NXN: variants seen among roughly 807,000 people sequenced by gnomAD.
NXN encodes nucleoredoxin, also known as nucleoredoxin 1.
In NXN, 16 loss-of-function variants were observed where a neutral mutation model predicts 48.6. That is an observed-to-expected ratio of 0.33 (90% CI 0.22 to 0.50). The LOEUF is 0.50. Among genes scored for constraint, NXN ranks in the 20% least tolerant of loss-of-function variants. The pLI, the probability that NXN is intolerant of heterozygous loss-of-function variation, is 0.98. For missense variants in NXN, 492 were observed against 605.5 expected, an observed-to-expected ratio of 0.81 and a Z score of 1.97; for synonymous variants, 281 against 269.6, an observed-to-expected ratio of 1.04 and a Z score of -0.41.
chr17:896,855 C>CCCGGGGGGGG, intron 1 of NXN: 4 of 1,102,004 alleles, frequency 3.6e-6, no homozygotes, highest in Non-Finnish European at 4.7e-6. Flanking sequence ...GCGGTCCTGA[C>CCCGGGGGGGG]CACCCGCCCC....
rs1394068466 is a variant in NXN at position 825,913 on chromosome 17, G to A, written c.478+48C>T. The A allele has an allele frequency of 2.5e-6, 3 of 1,212,184 alleles. No homozygotes were observed. The highest frequency in any genetic ancestry group is 3.6e-6 in the Non-Finnish European group (3 of 831,710). The allele number at this position is 1,212,184 out of a possible 1,614,324, so 75.1% of individuals were successfully genotyped here. ...GAGATTAGCCTAAGGGCATGGAGGA[G>A]GGAGGGCTGGGTAATAAGAGGACCA... On this transcript the variant is annotated intron_variant, in intron 2 of 7. Coordinates refer to ENST00000336868, the MANE Select transcript of NXN (RefSeq NM_022463.5). The surrounding 1 kb of genome is among the most constrained non-coding windows in gnomAD (Gnocchi z 4.1).
intron 1 of NXN, among the ~76,000 whole-genome samples, chr17:908,583 C>G (rs966363287): frequency 6.6e-6 from 1 of 151,932 alleles, no homozygotes; most frequent in Admixed American, 6.6e-5. Context: ...TTTTTTGGAC[C>G]GAAGCCATTA....
In NXN at chr17:917,681, G is replaced by A. The variant is rs769927850; in HGVS notation, c.360+61638C>T. 4.6e-5 allele frequency among the ~76,000 whole-genome samples: 7 copies of A among 152,186 alleles called. No homozygotes were observed. The highest frequency in any genetic ancestry group is 1.0e-4 in the Non-Finnish European group (7 of 68,030). On this transcript the variant is annotated intron_variant, in intron 1 of 7. Coordinates refer to ENST00000336868, the MANE Select transcript of NXN (RefSeq NM_022463.5). The surrounding 1 kb of genome is among the most constrained non-coding windows in gnomAD (Gnocchi z 4.5). The stretch of plus-strand genomic sequence containing the variant: ...CCAATGTAGGCCACCCGCTGCAGGC[G>A]AGCTTCCCTACCCAATCCGACCTCC...
intron 1 of NXN, among the ~76,000 whole-genome samples, chr17:909,098 C>CAAAAAAAAAAA (rs59822805): frequency 1.2e-4 from 14 of 117,376 alleles, no homozygotes; most frequent in African/African-American, 4.4e-4. Context: ...GACTTCGTCT[C>CAAAAAAAAAAA]AAAAAAAAAA....
At chr17:923,547 T>A (rs1379106739) in intron 1 of NXN, among the ~76,000 whole-genome samples, 2 of 152,246 alleles carry the variant, frequency 1.3e-5, no homozygotes, top group South Asian at 2.1e-4. Context: ...TAATTAATTT[T>A]AAAATAAAGG....
chr17:976,275 A>G (rs1195398219), intron 1 of NXN, among the ~76,000 whole-genome samples: 2 of 151,928 alleles, frequency 1.3e-5, no homozygotes, highest in Non-Finnish European at 1.5e-5. Context: ...GGTCATCCCC[A>G]GGTTTTTTTT....
At chr17:937,646 C>T (rs1244878124) in intron 1 of NXN, among the ~76,000 whole-genome samples, 1 of 152,172 alleles carries the variant, frequency 6.6e-6, no homozygotes, top group African/African-American at 2.4e-5. Flanking sequence ...CACACTCACT[C>T]CAATTTCACT....
chr17:976,422 A>G (rs1359092893), intron 1 of NXN, among the ~76,000 whole-genome samples: 1 of 152,204 alleles, frequency 6.6e-6, no homozygotes, highest in African/African-American at 2.4e-5. Flanking sequence ...TGTTATCCCA[A>G]TGGGAAGAAG....
chr17:852,802 A>T (rs939109327), intron 1 of NXN, among the ~76,000 whole-genome samples: 4 of 151,998 alleles, frequency 2.6e-5, no homozygotes, highest in African/African-American at 9.7e-5. Flanking sequence ...CAAATCGCAA[A>T]TTGGGAAGAA....
chr17:970,146 G>A (rs1345564927), intron 1 of NXN, among the ~76,000 whole-genome samples: 6 of 152,182 alleles, frequency 3.9e-5, no homozygotes, highest in African/African-American at 1.4e-4. Context: ...TTTAATCACG[G>A]AGGCCACAGA....
chr17:959,049 TGGTCACTGATGA>T, intron 1 of NXN: 1 of 274,244 alleles, frequency 3.6e-6, no homozygotes, highest in Non-Finnish European at 6.9e-6. Flanking sequence ...GGCCGCGGTG[TGGTCACTGATGA>T]GGTTCCTCAT....
At chr17:829,544 G>C (rs1043354781) in intron 1 of NXN, among the ~76,000 whole-genome samples, 1 of 150,076 alleles carries the variant, frequency 6.7e-6, no homozygotes, top group South Asian at 2.1e-4. Flanking sequence ...ATGGTAGTTT[G>C]CTGCACCCAT....
At chr17:972,604 T>A (rs2069399070) in intron 1 of NXN, among the ~76,000 whole-genome samples, 1 of 152,224 alleles carries the variant, frequency 6.6e-6, no homozygotes, top group Non-Finnish European at 1.5e-5. Flanking sequence ...CCTGGAACCC[T>A]GATCACTGTC....
Position 800,854 on chromosome 17 carries a change from T to G in NXN, c.*95A>C. On this transcript the variant is annotated 3_prime_UTR_variant, in exon 8 of 8. Transcript: ENST00000336868. ...GAGGCTGGACACTTGGGTGGTGGGA[T>G]TCGGGGCACGCTGGGTAAGTCCAAG... 3.7e-6 allele frequency: 3 copies of G among 802,772 alleles called. No homozygotes were observed. The highest frequency in any genetic ancestry group is 4.3e-5 in the South Asian group (1 of 23,482). The allele number at this position is 802,772 out of a possible 1,614,324, so 49.7% of individuals were successfully genotyped here. A position where few individuals can be genotyped will look rare whatever the true frequency, so the allele number is the denominator to read the frequency against.
At chr17:974,889 C>G (rs2069440251) in intron 1 of NXN, among the ~76,000 whole-genome samples, 2 of 151,772 alleles carry the variant, frequency 1.3e-5, no homozygotes, top group Non-Finnish European at 2.9e-5. Flanking sequence ...TGTAGTGACA[C>G]AAACATGGCT....
intron 5 of NXN, among the ~76,000 whole-genome samples, chr17:810,179 G>A (rs1440372689): frequency 8.9e-6 from 1 of 112,548 alleles, no homozygotes. Flanking sequence ...GTCTGTGACT[G>A]GCGTGCATGT....
intron 1 of NXN, among the ~76,000 whole-genome samples, chr17:938,657 C>A (rs1237667972): frequency 6.6e-6 from 1 of 151,992 alleles, no homozygotes; most frequent in African/African-American, 2.4e-5. Flanking sequence ...GCACTCCAGC[C>A]TGGGTGACAG....
chr17:904,580 G>A (rs2068566630), intron 1 of NXN, among the ~76,000 whole-genome samples: 1 of 152,160 alleles, frequency 6.6e-6, no homozygotes, highest in African/African-American at 2.4e-5. Flanking sequence ...GCCTCACTCT[G>A]TCACCCGGGC....
intron 7 of NXN, among the ~76,000 whole-genome samples, 195 bp from the exon 8 acceptor site, chr17:801,326 C>T (rs1256969450): frequency 1.3e-5 from 2 of 152,022 alleles, no homozygotes; most frequent in African/African-American, 4.8e-5. Context: ...TTGTAAAATT[C>T]TCTCTTTGCA....
Sources: gnomAD v4.1 joint callset for allele counts (sites outside exome capture counted in the v4.1 genomes callset) on GRCh38, gnomAD v4.1.1 for gene constraint, Gnocchi (gnomAD v3.1) non-coding constraint, MANE v1.5 for transcripts, NCBI Gene and HGNC (gene_info 2026-07-23, HGNC 2026-07-21) for gene names.